Variants in FAM186B observed in about 807,000 individuals in gnomAD.
The protein encoded by FAM186B is protein FAM186B.
A neutral mutation model predicts 83.4 loss-of-function variants in FAM186B; 68 were observed. That is an observed-to-expected ratio of 0.81 (90% CI 0.67 to 1.00). The LOEUF is 1.00. FAM186B is among the 50% of genes least tolerant of loss of function. The probability of loss-of-function intolerance (pLI) is 0.00; values close to 1 mark genes in which losing one functional copy is unlikely to be tolerated. For synonymous variants in FAM186B, 389 were observed against 422.0 expected, an observed-to-expected ratio of 0.92 and a Z score of 0.96; for missense variants, 983 against 1,099.2, an observed-to-expected ratio of 0.89 and a Z score of 1.49.
downstream of FAM186B, chr12:49,582,938 G>A (rs1592538611): frequency 1.1e-5 from 5 of 440,534 alleles, no homozygotes; most frequent in East Asian, 7.1e-5. Context: ...AGCTTGGCCC[G>A]TGCAGGCTTT....
At chr12:49,596,094 G>A (rs550558147) in intron 5 of FAM186B, among the ~76,000 whole-genome samples, 1 of 152,246 alleles carries the variant, frequency 6.6e-6, no homozygotes, top group Non-Finnish European at 1.5e-5. Context: ...ACAAAACAAT[G>A]GTAGATTAAT....
chr12:49,584,557 A>G (rs1565802160), downstream of FAM186B: 1 of 702,314 alleles, frequency 1.4e-6, no homozygotes, highest in African/African-American at 1.7e-5. Context: ...TTTTTTGAAC[A>G]AGCTAAGCGG....
In FAM186B at chr12:49,599,913, A is replaced by G. The variant is rs1939831992; in HGVS notation, c.1727T>C (p.Leu576Ser). The change falls in exon 4 of 7, where the codon TTA becomes TCA. Residue 576 changes from leucine to serine, a missense_variant. Leu to Ser is a moderately radical substitution (Grantham distance 145, BLOSUM62 -2). Coordinates refer to ENST00000257894, the MANE Select transcript of FAM186B (RefSeq NM_032130.3). ...TTGGGTCCGGCTTGGGGCAGGCACTAATGATAGCTCTGCCTTCTCCAAGTC... is the reference window on the plus strand; with the variant it reads ...TTGGGTCCGGCTTGGGGCAGGCACTGATGATAGCTCTGCCTTCTCCAAGTC... ...WRDLEKAELS[L>S]VPAPSRTQSA... The G allele has an allele frequency of 6.2e-7, 1 of 1,613,202 alleles. No individual in the cohort carries two copies. Among genetic ancestry groups the G allele is most frequent in the Non-Finnish European group, 8.5e-7 (1 of 1,179,530 alleles).
rs2138306509 is a variant in FAM186B, at chr12:49,603,292, A to G, written c.398T>C (p.Val133Ala). 6.2e-7 allele frequency: 1 copy of G among 1,614,192 alleles called. No homozygotes were observed. The highest frequency in any genetic ancestry group is 1.6e-4 in the Middle Eastern group (1 of 6,062). The change falls in exon 3 of 7, where the codon GTG becomes GCG. Residue 133 changes from valine to alanine, a missense_variant. Val to Ala is a moderately conservative substitution (Grantham distance 64). Transcript: ENST00000257894. ...GGACAGCGGTAACACTTTCTCCGTC[A>G]CTTCAATCCATTCGTCCAGAGCTGC... ...EAAALDEWIEVTEKVLPLSLI... is the reference protein window; with the variant it reads ...EAAALDEWIEATEKVLPLSLI...
At position 49,604,311 on chromosome 12, in the gene FAM186B, A is replaced by G. The variant is rs774072697; in HGVS notation, c.322+2T>C. On this transcript the variant is annotated splice_donor_variant, in intron 2 of 6. Coordinates refer to ENST00000257894, the MANE Select transcript of FAM186B (RefSeq NM_032130.3). LOFTEE classifies it high-confidence loss of function. Reference sequence around the variant, plus strand: ...GGCACGGTGCCCAGCCTGCAAACTCACCCCAGTCACCCAGCCAGCGGAGAA... The same window carrying G: ...GGCACGGTGCCCAGCCTGCAAACTCGCCCCAGTCACCCAGCCAGCGGAGAA... 1.4e-5 allele frequency: 22 copies of G among 1,611,992 alleles called. No homozygotes were observed. The African/African-American group carries it at 2.7e-4, about 20-fold the overall frequency.
At chr12:49,598,046 C>T (rs915576320) in intron 5 of FAM186B, among the ~76,000 whole-genome samples, 14 of 152,142 alleles carry the variant, frequency 9.2e-5, no homozygotes, top group Admixed American at 9.2e-4. Flanking sequence ...GGCAAAAGAG[C>T]GAGACTCTGT....
chr12:49,588,902 CAG>C (rs1209747335), intron 5 of FAM186B, among the ~76,000 whole-genome samples: 1 of 152,162 alleles, frequency 6.6e-6, no homozygotes, highest in African/African-American at 2.4e-5. Flanking sequence ...AAAATGAAAC[CAG>C]AGCAGCTGGA....
At chr12:49,585,361 A>C (rs1476141244), downstream of FAM186B, among the ~76,000 whole-genome samples, 3 of 152,164 alleles carry the variant, frequency 2.0e-5, no homozygotes, top group South Asian at 6.2e-4. Context: ...ACCCTGAGCA[A>C]GGGGAGGGCA....
At position 49,600,002 on chromosome 12, in the gene FAM186B, T is replaced by G; in HGVS notation, c.1638A>C (p.Arg546Ser). Residue 546 changes from arginine (R) to serine (S), a missense_variant, in exon 4 of 7, where the codon AGA (arginine) becomes AGC (serine). Transcript: ENST00000257894. The surrounding 1 kb of genome is among the most constrained non-coding windows in gnomAD (Gnocchi z 4.3). ...CATCCTCCCCTAGCTGCTCTGGCTC[T>G]CTCCGTGGGCTCTCCTGCTCCTTTT... ...QLEKEQESPR[R>S]EPEQLGEDVE... 2 of 1,612,486 alleles carry G rather than the reference T, an allele frequency of 1.2e-6. No homozygotes were observed. The highest frequency in any genetic ancestry group is 1.7e-6 in the Non-Finnish European group (2 of 1,179,340).
In FAM186B at chr12:49,599,490, T is replaced by C. The variant is rs1939812898; in HGVS notation, c.2150A>G (p.Tyr717Cys). Reference sequence around the variant, plus strand: ...CTACCGGAGGCTCTGGAGGCGTCTATAGAAGATGTACTTATGGCACAGGTA... The same window carrying C: ...CTACCGGAGGCTCTGGAGGCGTCTACAGAAGATGTACTTATGGCACAGGTA... ...LQYLCHKYIF[Y>C]RRLQSLRQEA... Residue 717 changes from tyrosine to cysteine, a missense_variant, in exon 4 of 7, where the codon TAT becomes TGT. Transcript: ENST00000257894. The C allele has an allele frequency of 2.6e-6, 4 of 1,551,232 alleles. No homozygotes were observed. The highest frequency in any genetic ancestry group is 3.5e-6 in the Non-Finnish European group (4 of 1,152,628).
chr12:49,616,517 G>A, the FAM186B span, among the ~76,000 whole-genome samples: 1 of 152,194 alleles, frequency 6.6e-6, no homozygotes, highest in Admixed American at 6.5e-5. Context: ...ATGTCCGTGT[G>A]ATGAAATATA....
upstream of FAM186B, among the ~76,000 whole-genome samples, chr12:49,606,652 C>A (rs1392858139): frequency 6.6e-6 from 1 of 152,068 alleles, no homozygotes; most frequent in Non-Finnish European, 1.5e-5. Flanking sequence ...GCTTCCAGAA[C>A]TGAAAGGAGG....
At chr12:49,616,214 G>A in the FAM186B span, among the ~76,000 whole-genome samples, 2 of 152,160 alleles carry the variant, frequency 1.3e-5, no homozygotes, top group African/African-American at 4.8e-5. Flanking sequence ...ATTTTTAGAA[G>A]AGATGGGGTT....
intron 1 of FAM186B, chr12:49,605,056 G>A: frequency 1.6e-6 from 1 of 640,022 alleles, no homozygotes; most frequent in Non-Finnish European, 2.2e-6. Flanking sequence ...GATTCTGGAG[G>A]GTTGCCAAGA....
intron 3 of FAM186B, among the ~76,000 whole-genome samples, chr12:49,601,807 A>G (rs1254157677): frequency 6.6e-6 from 1 of 152,038 alleles, no homozygotes; most frequent in Non-Finnish European, 1.5e-5. Flanking sequence ...CCTACTATGT[A>G]TAGAGCTGGT....
Position 49,600,659 on chromosome 12 carries a change from C to G in FAM186B, c.981G>C (p.Gln327His). ...CAGAAACCTCAGCCAGGTCTTCTGC[C>G]TGACCTGTAGCATTCTGAGCCTTCT... ...QLKKAQNATGQAEDLAEVSVD... is the reference protein window; with the variant it reads ...QLKKAQNATGHAEDLAEVSVD... The change falls in exon 4 of 7, where the codon CAG (glutamine) becomes CAC (histidine). Residue 327 changes from glutamine to histidine, a missense_variant. Coordinates refer to ENST00000257894, the MANE Select transcript of FAM186B (RefSeq NM_032130.3). The surrounding 1 kb of genome is among the most constrained non-coding windows in gnomAD (Gnocchi z 4.3). The G allele has an allele frequency of 6.2e-7, 1 of 1,614,104 alleles. No homozygotes were observed. The highest frequency in any genetic ancestry group is 8.5e-7 in the Non-Finnish European group (1 of 1,179,988).
At chr12:49,612,688 C>G in the FAM186B span, among the ~76,000 whole-genome samples, 2 of 152,048 alleles carry the variant, frequency 1.3e-5, no homozygotes, top group African/African-American at 4.8e-5. Flanking sequence ...CTTAACTATT[C>G]TAAATATATA....
chr12:49,609,316 G>A (rs141043836), upstream of FAM186B, among the ~76,000 whole-genome samples: 14 of 152,256 alleles, frequency 9.2e-5, no homozygotes, highest in Non-Finnish European at 1.8e-4. Flanking sequence ...CAGGCATTTG[G>A]AGCACCCACT....
chr12:49,608,468 G>C (rs1192625644), upstream of FAM186B, among the ~76,000 whole-genome samples: 1 of 147,698 alleles, frequency 6.8e-6, no homozygotes, highest in Non-Finnish European at 1.5e-5. Flanking sequence ...TCCAGCCTGA[G>C]TGACAGAGCA....
Sources: gnomAD v4.1 joint callset for allele counts (sites outside exome capture counted in the v4.1 genomes callset) on GRCh38, gnomAD v4.1.1 for gene constraint, Gnocchi (gnomAD v3.1) non-coding constraint, MANE v1.5 for transcripts, NCBI Gene and HGNC (gene_info 2026-07-23, HGNC 2026-07-21) for gene names.